KPNA3: variants seen among roughly 807,000 people sequenced by gnomAD.
The protein encoded by KPNA3 is karyopherin subunit alpha 3.
Under a neutral mutation model 73.8 loss-of-function variants are expected in KPNA3, and 13 were observed. The observed-to-expected ratio is 0.18, with a 90% CI of 0.11 to 0.28. The LOEUF is 0.28. Among genes scored for constraint, KPNA3 ranks in the 10% least tolerant of loss-of-function variants. KPNA3 has a pLI of 1.00. For missense variants in KPNA3, 360 were observed against 618.1 expected (o/e 0.58, Z 4.43); for synonymous variants, 186 against 206.9 (o/e 0.90, Z 0.87).
intron 1 of KPNA3, among the ~76,000 whole-genome samples, chr13:49,753,928 T>C (rs1316940353): frequency 6.6e-6 from 1 of 152,074 alleles, no homozygotes; most frequent in Non-Finnish European, 1.5e-5. Context: ...AGGGAAAAAA[T>C]ACAGTATTTA....
chr13:49,781,942 G>C (rs1029384942), intron 1 of KPNA3, among the ~76,000 whole-genome samples: 20 of 152,192 alleles, frequency 1.3e-4, no homozygotes, highest in African/African-American at 4.3e-4. Context: ...GAAGAATCAA[G>C]CCTACGAAAG....
At chr13:49,704,517 A>G (rs1461579295) in intron 15 of KPNA3, among the ~76,000 whole-genome samples, 1 of 151,292 alleles carries the variant, frequency 6.6e-6, no homozygotes, top group Non-Finnish European at 1.5e-5. Flanking sequence ...TGAATATTCT[A>G]CGGTACTACT....
At position 49,790,922 on chromosome 13, in the gene KPNA3, G is replaced by A. The variant is rs113039018; in HGVS notation, c.69+1516C>T. ...ATAGGCTTCAAGAAAAATTCCTAAT[G>A]GGAAAAGTTCAAAATTAACACTTGT... On this transcript the variant is annotated intron_variant, in intron 1 of 16. Transcript: ENST00000261667. 7.7e-3 allele frequency among the ~76,000 whole-genome samples: 1,173 copies of A among 152,278 alleles called. 5 individuals carry two copies. Among genetic ancestry groups the A allele is most frequent in the Non-Finnish European group, 0.013 (898 of 68,024 alleles).
intron 1 of KPNA3, among the ~76,000 whole-genome samples, chr13:49,787,381 T>C (rs377552867): frequency 1.9e-4 from 29 of 152,242 alleles, no homozygotes; most frequent in African/African-American, 4.8e-5. Context: ...TTCTGTGATA[T>C]AGTCGATATT....
chr13:49,770,569 T>A (rs990882986), intron 1 of KPNA3, among the ~76,000 whole-genome samples: 4 of 152,082 alleles, frequency 2.6e-5, no homozygotes, highest in Non-Finnish European at 5.9e-5. Context: ...TCTTGTCACT[T>A]GTGCTTTTAA....
chr13:49,713,437 A>G (rs1464037638), intron 10 of KPNA3, among the ~76,000 whole-genome samples: 3 of 152,118 alleles, frequency 2.0e-5, no homozygotes, highest in Non-Finnish European at 4.4e-5. Context: ...TGAACTTTAT[A>G]CCCTGATAAT....
At chr13:49,774,962 T>C (rs1190309000) in intron 1 of KPNA3, among the ~76,000 whole-genome samples, 4 of 152,082 alleles carry the variant, frequency 2.6e-5, no homozygotes, top group African/African-American at 9.7e-5. Flanking sequence ...AAGACTAGCC[T>C]GACCAACCTG....
intron 2 of KPNA3, among the ~76,000 whole-genome samples, chr13:49,745,869 C>G (rs903042446): frequency 1.5e-4 from 22 of 151,068 alleles, no homozygotes; most frequent in African/African-American, 5.3e-4. Context: ...CGAGACCATC[C>G]TGGCTAACAC....
At chr13:49,779,346 T>A (rs981405235) in intron 1 of KPNA3, among the ~76,000 whole-genome samples, 3 of 152,178 alleles carry the variant, frequency 2.0e-5, no homozygotes, top group African/African-American at 7.2e-5. Flanking sequence ...CCCTTCATTC[T>A]CTATAGTTAA....
In KPNA3 at chr13:49,700,879, G is replaced by C. The variant is rs913569503; in HGVS notation, c.*921C>G. The C allele has an allele frequency of 6.6e-6, 1 of 152,416 alleles. No homozygotes were observed. Among genetic ancestry groups the C allele is most frequent in the Non-Finnish European group, 1.5e-5 (1 of 68,032 alleles). The allele number at this position is 152,416 out of a possible 1,614,324, so 9.4% of individuals were successfully genotyped here. On this transcript the variant is annotated 3_prime_UTR_variant, in exon 17 of 17. Transcript: ENST00000261667. ...TTTTTTTAAAAAACATCACCAATGG[G>C]TATTTTAGACTTTTGCAGTTTTTTT...
At chr13:49,777,787 G>A (rs1047814384) in intron 1 of KPNA3, among the ~76,000 whole-genome samples, 2 of 151,604 alleles carry the variant, frequency 1.3e-5, no homozygotes, top group African/African-American at 2.4e-5. Flanking sequence ...CTGAGATTAC[G>A]GGCATGAGCC....
Position 49,705,986 on chromosome 13 carries a change from T to C in KPNA3, c.1209+112A>G, listed in dbSNP as rs1288943789. The C allele has an allele frequency of 3.6e-6, 4 of 1,113,592 alleles. No homozygotes were observed. In the African/African-American group the frequency reaches 6.3e-5, roughly 18 times the overall value. 69.0% of individuals were successfully genotyped at this position (1,113,592 alleles called of 1,614,324 possible). ...GAGACTCCATCTCTTAAAATAATAA[T>C]AATTATCTTTTCCCCAAAAAGAACA... On this transcript the variant is annotated intron_variant, in intron 14 of 16. Coordinates refer to ENST00000261667, the MANE Select transcript of KPNA3 (RefSeq NM_002267.4).
At chr13:49,792,091 C>T (rs1017667276) in intron 1 of KPNA3, among the ~76,000 whole-genome samples, 24 of 152,134 alleles carry the variant, frequency 1.6e-4, no homozygotes, top group African/African-American at 5.1e-4. Flanking sequence ...GCTGTGCGGT[C>T]GGAGGGCCCG....
At chr13:49,734,274 A>T (rs1954498783) in intron 2 of KPNA3, among the ~76,000 whole-genome samples, 1 of 152,224 alleles carries the variant, frequency 6.6e-6, no homozygotes, top group Non-Finnish European at 1.5e-5. Context: ...TACTCAATAT[A>T]TTCAATATAT....
intron 1 of KPNA3, among the ~76,000 whole-genome samples, chr13:49,755,432 T>G (rs1156373607): frequency 6.6e-6 from 1 of 152,134 alleles, no homozygotes; most frequent in Non-Finnish European, 1.5e-5. Flanking sequence ...TTATTCAACA[T>G]AGTATAAGAA....
intron 1 of KPNA3, among the ~76,000 whole-genome samples, chr13:49,751,188 A>T (rs12584560): frequency 0.3 from 45,364 of 151,968 alleles, 7,036 homozygotes; most frequent in Non-Finnish European, 0.34. Flanking sequence ...TTCCCTTCCT[A>T]ACACCCTCAC....
At chr13:49,763,433 A>T (rs1394987861) in intron 1 of KPNA3, among the ~76,000 whole-genome samples, 1 of 152,230 alleles carries the variant, frequency 6.6e-6, no homozygotes, top group Non-Finnish European at 1.5e-5. Context: ...AATAAAAAAT[A>T]CAAAACAGTG....
At chr13:49,792,149 G>A (rs1424518794) in intron 1 of KPNA3, among the ~76,000 whole-genome samples, 1 of 152,024 alleles carries the variant, frequency 6.6e-6, no homozygotes, top group Non-Finnish European at 1.5e-5. Flanking sequence ...CGCGGACCCC[G>A]CCTCAGCTCC....
intron 9 of KPNA3, among the ~76,000 whole-genome samples, chr13:49,721,584 C>A (rs1954358749): frequency 6.6e-6 from 1 of 152,120 alleles, no homozygotes; most frequent in Non-Finnish European, 1.5e-5. Context: ...CTTTGGGAGG[C>A]CGAGGCGGGC....
Sources: gnomAD v4.1 joint callset for allele counts (sites outside exome capture counted in the v4.1 genomes callset) on GRCh38, gnomAD v4.1.1 for gene constraint, MANE v1.5 for transcripts, NCBI Gene and HGNC (gene_info 2026-07-23, HGNC 2026-07-21) for gene names.